Variants in MACROD2 observed in about 807,000 individuals in gnomAD.
The protein encoded by MACROD2 is mono-ADP ribosylhydrolase 2, also known as ADP-ribose glycohydrolase MACROD2.
A neutral mutation model predicts 70.4 loss-of-function variants in MACROD2; 36 were observed. The ratio of observed to expected loss-of-function variants is 0.51; its 90% CI spans 0.39 to 0.68. MACROD2 has a LOEUF of 0.68. Ranked by LOEUF, MACROD2 falls within the 30% of genes least tolerant of loss-of-function variation. The pLI is 0.00. For synonymous variants in MACROD2, 172 were observed against 178.8 expected, an observed-to-expected ratio of 0.96 and a Z score of 0.30; for missense variants, 496 against 538.4, an observed-to-expected ratio of 0.92 and a Z score of 0.78.
At chr20:15,339,830 C>A (rs1014837587) in intron 6 of MACROD2, among the ~76,000 whole-genome samples, 8 of 151,524 alleles carry the variant, frequency 5.3e-5, no homozygotes, top group Non-Finnish European at 7.4e-5. Flanking sequence ...TATCATTTGG[C>A]CTGATTTTAT....
chr20:14,445,140 T>C (rs1216817529), intron 3 of MACROD2, among the ~76,000 whole-genome samples: 3 of 152,056 alleles, frequency 2.0e-5, no homozygotes, highest in African/African-American at 7.3e-5. Context: ...AGCCTCCTAT[T>C]ACCTTTCTGA....
chr20:15,681,667 T>G (rs939822030), intron 8 of MACROD2, among the ~76,000 whole-genome samples: 2 of 152,226 alleles, frequency 1.3e-5, no homozygotes, highest in African/African-American at 2.4e-5. Context: ...TTATATCATT[T>G]TCCTGTGATG....
At chr20:15,405,006 A>T (rs976928086) in intron 6 of MACROD2, among the ~76,000 whole-genome samples, 2 of 152,194 alleles carry the variant, frequency 1.3e-5, no homozygotes, top group Non-Finnish European at 2.9e-5. Flanking sequence ...TAAAAACGTT[A>T]TGCTAGGAGA....
intron 5 of MACROD2, among the ~76,000 whole-genome samples, chr20:15,050,576 C>CCGTT (rs1196307756): frequency 9.5e-6 from 1 of 105,448 alleles, no homozygotes; most frequent in East Asian, 2.8e-4. Flanking sequence ...GAGTCTTGCT[C>CCGTT]CGTTGCCCAG....
At chr20:14,105,098 G>T (rs745565628) in intron 3 of MACROD2, among the ~76,000 whole-genome samples, 1 of 152,096 alleles carries the variant, frequency 6.6e-6, no homozygotes, top group Non-Finnish European at 1.5e-5. Flanking sequence ...GAGTAAGGAG[G>T]AAGGCTGAAT....
At chr20:14,028,852 G>C (rs1240993372) in intron 2 of MACROD2, among the ~76,000 whole-genome samples, 1 of 152,146 alleles carries the variant, frequency 6.6e-6, no homozygotes, top group African/African-American at 2.4e-5. Flanking sequence ...CTATTCGGCT[G>C]TCTTGCTCCA....
intron 4 of MACROD2, among the ~76,000 whole-genome samples, chr20:14,502,313 C>T (rs2084923259): frequency 6.6e-6 from 1 of 152,138 alleles, no homozygotes; most frequent in Non-Finnish European, 1.5e-5. Flanking sequence ...ATTTACCCCT[C>T]AAACTGAAGA....
chr20:14,881,966 C>A (rs958314249), intron 5 of MACROD2, among the ~76,000 whole-genome samples: 1 of 152,130 alleles, frequency 6.6e-6, no homozygotes, highest in Non-Finnish European at 1.5e-5. Flanking sequence ...CGCATGTTAT[C>A]TTCACAGCAA....
chr20:14,497,541 T>G (rs1482539685), intron 4 of MACROD2, among the ~76,000 whole-genome samples: 1 of 151,600 alleles, frequency 6.6e-6, no homozygotes, highest in Non-Finnish European at 1.5e-5. Context: ...AGATAATATC[T>G]TTTGTTTTTC....
chr20:15,654,856 C>T lies in MACROD2; in HGVS notation c.645+155009C>T, dbSNP rs535281934. ...AAATACCAAGCAGTCCTTGCTTTGTCCTTGTGAGTTGGGGCCCATGCTTTC... is the reference window on the plus strand; with the variant it reads ...AAATACCAAGCAGTCCTTGCTTTGTTCTTGTGAGTTGGGGCCCATGCTTTC... On this transcript the variant is annotated intron_variant, in intron 8 of 17. Coordinates refer to ENST00000684519, the MANE Select transcript of MACROD2 (RefSeq NM_001351661.2). Among the ~76,000 whole-genome samples the T allele has an allele frequency of 2.0e-5, 3 of 152,282 alleles. No individual in the cohort carries two copies. The East Asian group carries it at 5.8e-4, about 29-fold the overall frequency.
intron 5 of MACROD2, among the ~76,000 whole-genome samples, chr20:15,112,271 G>C (rs190649624): frequency 6.6e-6 from 1 of 152,308 alleles, no homozygotes; most frequent in East Asian, 1.9e-4. Flanking sequence ...ACTTGGCTTA[G>C]AAATAAAGCA....
intron 6 of MACROD2, among the ~76,000 whole-genome samples, chr20:15,407,775 A>G (rs1772930933): frequency 6.6e-6 from 1 of 152,356 alleles, no homozygotes; most frequent in Middle Eastern, 3.4e-3. Flanking sequence ...AACACTGCCT[A>G]TCACATAATA....
chr20:14,869,040 A>T (rs1005820857), intron 5 of MACROD2, among the ~76,000 whole-genome samples: 3 of 152,094 alleles, frequency 2.0e-5, no homozygotes, highest in African/African-American at 7.2e-5. Flanking sequence ...GAGCACTAAA[A>T]GGTCACAACA....
intron 5 of MACROD2, among the ~76,000 whole-genome samples, chr20:15,034,003 T>C (rs1318046928): frequency 6.6e-6 from 1 of 152,142 alleles, no homozygotes; most frequent in African/African-American, 2.4e-5. Flanking sequence ...ATAAGACTCA[T>C]GTTTCCCCCG....
intron 5 of MACROD2, among the ~76,000 whole-genome samples, chr20:14,888,913 C>T (rs1285085269): frequency 6.6e-6 from 1 of 152,038 alleles, no homozygotes; most frequent in African/African-American, 2.4e-5. Flanking sequence ...AAATAATAAT[C>T]CTTCTTCATA....
At chr20:15,307,638 A>G (rs1231980449) in intron 6 of MACROD2, among the ~76,000 whole-genome samples, 1 of 152,202 alleles carries the variant, frequency 6.6e-6, no homozygotes, top group Non-Finnish European at 1.5e-5. Context: ...ACTCTCATAT[A>G]TAACTGTAGT....
intron 5 of MACROD2, among the ~76,000 whole-genome samples, chr20:14,852,015 C>T (rs1291686717): frequency 6.6e-6 from 1 of 152,090 alleles, no homozygotes; most frequent in East Asian, 1.9e-4. Context: ...GTCAGAGAGT[C>T]ATGCATGAAA....
intron 3 of MACROD2, among the ~76,000 whole-genome samples, chr20:14,408,180 A>G (rs1167731801): frequency 6.6e-6 from 1 of 152,194 alleles, no homozygotes. Flanking sequence ...CATGAATCAT[A>G]TTAAGATTTC....
intron 3 of MACROD2, among the ~76,000 whole-genome samples, chr20:14,358,793 A>G (rs1214747427): frequency 1.3e-5 from 2 of 152,142 alleles, no homozygotes; most frequent in African/African-American, 2.4e-5. Flanking sequence ...GTGGTTAAGA[A>G]ACTTGCCCAA....
Sources: allele counts gnomAD v4.1 joint callset (sites outside exome capture counted in the v4.1 genomes callset), GRCh38; gene constraint gnomAD v4.1.1; transcripts MANE v1.5; gene names NCBI Gene and HGNC (gene_info 2026-07-23, HGNC 2026-07-21).